KIAA0319: variants seen among roughly 807,000 people sequenced by gnomAD.
KIAA0319 encodes KIAA0319.
KIAA0319 carries 83 observed loss-of-function variants against 108.4 expected under a neutral mutation model. The observed-to-expected ratio is 0.77, with a 90% confidence interval of 0.64 to 0.92. The LOEUF is 0.92. Among genes scored for constraint, KIAA0319 ranks in the 40% least tolerant of loss-of-function variants. The pLI is 0.00. For missense variants in KIAA0319, 1,195 were observed against 1,322.4 expected, an observed-to-expected ratio of 0.90 and a Z score of 1.49; for synonymous variants, 484 against 510.4, an observed-to-expected ratio of 0.95 and a Z score of 0.70.
chr6:24,553,421 G>A (rs1044792960), intron 19 of KIAA0319, among the ~76,000 whole-genome samples: 1 of 150,740 alleles, frequency 6.6e-6, no homozygotes. Context: ...TTATAATGCT[G>A]GGGCACTTTA....
At chr6:24,604,486 T>A (rs1771120895) in intron 1 of KIAA0319, among the ~76,000 whole-genome samples, 1 of 152,176 alleles carries the variant, frequency 6.6e-6, no homozygotes, top group South Asian at 2.1e-4. Flanking sequence ...AAAAGGCAGC[T>A]CTAAGAGAAG....
Position 24,580,998 on chromosome 6 carries a change from A to T in KIAA0319, c.1207T>A (p.Tyr403Asn), listed in dbSNP as rs889401758. 5 of 1,609,980 alleles carry T rather than the reference A, an allele frequency of 3.1e-6. No homozygotes were observed. Among genetic ancestry groups the T allele is most frequent in the Non-Finnish European group, 4.3e-6 (5 of 1,176,450 alleles). ...LNLSQLSVGL[Y>N]VFKVTVSSEN... is the part of the protein sequence containing the mutation. Reference sequence around the variant, plus strand: ...CTAGAAACAGTGACTTTGAAGACATAAAGTCCGACGGACAACTGTAACATA... The same window carrying T: ...CTAGAAACAGTGACTTTGAAGACATTAAGTCCGACGGACAACTGTAACATA... The change falls in exon 7 of 21, where the codon TAT becomes AAT. Residue 403 changes from tyrosine (Y) to asparagine (N), a missense_variant. By Grantham distance (143) the Tyr-to-Asn change is moderately radical (BLOSUM62 -2). Coordinates refer to ENST00000378214, the MANE Select transcript of KIAA0319 (RefSeq NM_014809.4).
At position 24,576,854 on chromosome 6, in the gene KIAA0319, G is replaced by A. The variant is rs1456710531; in HGVS notation, c.1506-258C>T. On this transcript the variant is annotated intron_variant, in intron 9 of 20. Transcript: ENST00000378214. ...GTGGGAGGATCATTTGAGCCCGGGAGGTCAAGGCTGCAGTGAGCCGATATT... is the reference window on the plus strand; with the variant it reads ...GTGGGAGGATCATTTGAGCCCGGGAAGTCAAGGCTGCAGTGAGCCGATATT... 3.3e-5 allele frequency among the ~76,000 whole-genome samples: 5 copies of A among 152,106 alleles called. No homozygotes were observed. The South Asian group carries it at 6.2e-4, about 19-fold the overall frequency.
In KIAA0319 at chr6:24,559,112, C is replaced by A; in HGVS notation, c.2635G>T (p.Val879Phe). ...CGGGCCACTTCAGCAGCTTTGAGAA[C>A]CTTGAAAGGCGGCCTGCTCTGTACA... ...FYVQSRPPFK[V>F]LKAAEVARNL... Residue 879 changes from valine to phenylalanine, a missense_variant, in exon 17 of 21, where the codon GTT becomes TTT. Coordinates refer to ENST00000378214, the MANE Select transcript of KIAA0319 (RefSeq NM_014809.4). The A allele has an allele frequency of 1.2e-6, 2 of 1,613,744 alleles. No individual in the cohort carries two copies. Among genetic ancestry groups the A allele is most frequent in the Non-Finnish European group, 1.7e-6 (2 of 1,180,024 alleles).
chr6:24,607,431 G>A (rs1299825575), intron 1 of KIAA0319, among the ~76,000 whole-genome samples: 3 of 151,426 alleles, frequency 2.0e-5, no homozygotes, highest in South Asian at 4.1e-4. Flanking sequence ...TTTGTTTTTC[G>A]GTTTTTTTTT....
chr6:24,599,556 C>T lies in KIAA0319; in HGVS notation c.55+1493G>A, dbSNP rs1345066907. 1.1e-4 allele frequency: 63 copies of T among 585,520 alleles called. 1 individual carries two copies. In the Admixed American group the frequency reaches 1.2e-3, roughly 11 times the overall value. The allele number at this position is 585,520 out of a possible 1,614,324, so 36.3% of individuals were successfully genotyped here. Reference sequence around the variant, plus strand: ...GGTGCTGGAGGGCGAGGAGAGCTGGCTGGAGTCTGGGATGCAGAACATGAA... The same window carrying T: ...GGTGCTGGAGGGCGAGGAGAGCTGGTTGGAGTCTGGGATGCAGAACATGAA... On this transcript the variant is annotated intron_variant, in intron 2 of 20. Transcript: ENST00000378214. This position sits in a 1 kb window ranked among gnomAD's most constrained non-coding sequence, Gnocchi z 4.1.
At chr6:24,579,029 G>T (rs1000682444) in intron 8 of KIAA0319, among the ~76,000 whole-genome samples, 5 of 152,176 alleles carry the variant, frequency 3.3e-5, no homozygotes, top group Non-Finnish European at 7.3e-5. Context: ...AAATTTGCAG[G>T]CTTGCAAGAT....
intron 1 of KIAA0319, among the ~76,000 whole-genome samples, chr6:24,612,345 G>C (rs1014601547): frequency 6.6e-6 from 1 of 151,852 alleles, no homozygotes; most frequent in African/African-American, 2.4e-5. Flanking sequence ...CAGCTACTCG[G>C]GAGGCTGAGG....
chr6:24,614,383 C>A (rs1772844900), intron 1 of KIAA0319, among the ~76,000 whole-genome samples: 1 of 152,188 alleles, frequency 6.6e-6, no homozygotes, highest in African/African-American at 2.4e-5. Flanking sequence ...CTCAGCTTCT[C>A]AAACACAGCC....
chr6:24,599,427 A>G lies in KIAA0319; in HGVS notation c.55+1622T>C. 1.8e-6 allele frequency: 1 copy of G among 552,254 alleles called. No individual in the cohort carries two copies. Among genetic ancestry groups the G allele is most frequent in the South Asian group, 1.6e-5 (1 of 63,972 alleles). The allele number at this position is 552,254 out of a possible 1,614,324, so 34.2% of individuals were successfully genotyped here. The stretch of plus-strand genomic sequence containing the variant: ...TGCCAAGCTGTCCAAGCTGGAGGCC[A>G]CCCTGCAGTGGGCCATGCAGGACAT... On this transcript the variant is annotated intron_variant, in intron 2 of 20. Coordinates refer to ENST00000378214, the MANE Select transcript of KIAA0319 (RefSeq NM_014809.4). The surrounding 1 kb of genome is among the most constrained non-coding windows in gnomAD (Gnocchi z 4.1).
intron 3 of KIAA0319, among the ~76,000 whole-genome samples, chr6:24,593,159 G>A (rs1471301446): frequency 6.6e-6 from 1 of 152,024 alleles, no homozygotes; most frequent in African/African-American, 2.4e-5. Context: ...CTGTCTGCTA[G>A]AGCTTCAACT....
intron 11 of KIAA0319, among the ~76,000 whole-genome samples, chr6:24,570,602 A>C (rs115960026): frequency 0.013 from 1,860 of 142,416 alleles, 23 homozygotes; most frequent in Middle Eastern, 0.035. Flanking sequence ...AAAAATCGTC[A>C]TAGGGTGAAA....
chr6:24,640,695 C>T (rs1776802690), intron 1 of KIAA0319, among the ~76,000 whole-genome samples: 1 of 152,088 alleles, frequency 6.6e-6, no homozygotes, highest in Non-Finnish European at 1.5e-5. Flanking sequence ...TTCTGTTGCC[C>T]AGGCTGGAAT....
intron 1 of KIAA0319, among the ~76,000 whole-genome samples, chr6:24,636,056 C>T (rs1279067371): frequency 6.6e-6 from 1 of 152,176 alleles, no homozygotes; most frequent in Non-Finnish European, 1.5e-5. Flanking sequence ...AGAAAGATTG[C>T]CAAGATATGC....
chr6:24,582,160 A>C (rs1223266637), intron 6 of KIAA0319, 89 bp downstream of exon 6: 1 of 767,820 alleles, frequency 1.3e-6, no homozygotes, highest in Non-Finnish European at 2.3e-6. Flanking sequence ...AAGAAGAAAG[A>C]CGTTTGGGTT....
chr6:24,639,812 A>G (rs1582375189), intron 1 of KIAA0319, among the ~76,000 whole-genome samples: 1 of 146,508 alleles, frequency 6.8e-6, no homozygotes, highest in Non-Finnish European at 1.5e-5. Context: ...ACACCATTTC[A>G]CTCCAGTCTG....
chr6:24,639,252 A>C (rs1776606044), intron 1 of KIAA0319, among the ~76,000 whole-genome samples: 1 of 152,230 alleles, frequency 6.6e-6, no homozygotes, highest in African/African-American at 2.4e-5. Context: ...AAAGACAAAG[A>C]GTAGATCCTA....
intron 7 of KIAA0319, among the ~76,000 whole-genome samples, 159 bp downstream of exon 7, chr6:24,580,767 C>A (rs778324958): frequency 2.6e-5 from 4 of 151,456 alleles, no homozygotes; most frequent in East Asian, 1.9e-4. Context: ...GAAAAAAAAA[C>A]CAAAAATATA....
intron 1 of KIAA0319, among the ~76,000 whole-genome samples, chr6:24,609,832 G>A (rs928815818): frequency 4.6e-5 from 7 of 151,964 alleles, no homozygotes; most frequent in Non-Finnish European, 8.8e-5. Context: ...ACAATTCAAT[G>A]GGGAAAGAAT....
Sources: allele counts gnomAD v4.1 joint callset (sites outside exome capture counted in the v4.1 genomes callset), GRCh38; gene constraint gnomAD v4.1.1; non-coding constraint Gnocchi (gnomAD v3.1); transcripts MANE v1.5; gene names NCBI Gene and HGNC (gene_info 2026-07-23, HGNC 2026-07-21).